SCYL2: variants seen among roughly 807,000 people sequenced by gnomAD.
SCYL2 encodes SCY1 like pseudokinase 2.
In SCYL2, 36 loss-of-function variants were observed where a neutral mutation model predicts 100.4. The observed-to-expected ratio is 0.36, with a 90% CI of 0.27 to 0.47. SCYL2 has a LOEUF of 0.47. SCYL2 is among the 20% of genes least tolerant of loss of function. SCYL2 has a pLI of 1.00. For synonymous variants in SCYL2, 330 were observed against 359.2 expected (o/e 0.92, Z 0.92); for missense variants, 902 against 1,083.9 (o/e 0.83, Z 2.36).
rs1259082893 is a variant in SCYL2, at chr12:100,335,675, C to T, written c.1913C>T (p.Thr638Ile). Residue 638 changes from threonine to isoleucine, a missense_variant, in exon 15 of 18, where the codon ACA becomes ATA. Transcript: ENST00000360820. The part of the protein sequence containing the change: ...QMNVSEEMKV[T>I]NIGNQQIDKV... ...AATGTTTCTGAGGAGATGAAAGTTA[C>T]AAATATTGGGAATCAGGTAAGAAGC... 3.1e-6 allele frequency: 5 copies of T among 1,610,852 alleles called. No homozygotes were observed. Among genetic ancestry groups the T allele is most frequent in the African/African-American group, 2.7e-5 (2 of 74,808 alleles).
intron 1 of SCYL2, among the ~76,000 whole-genome samples, chr12:100,272,167 A>T (rs1012868345): frequency 1.3e-5 from 2 of 152,222 alleles, no homozygotes; most frequent in Admixed American, 1.3e-4. Context: ...AGGGCAGATG[A>T]TTGAATTTCA....
intron 1 of SCYL2, among the ~76,000 whole-genome samples, chr12:100,280,615 G>A (rs1183365049): frequency 1.3e-5 from 2 of 152,122 alleles, no homozygotes; most frequent in Non-Finnish European, 2.9e-5. Context: ...AGTTAAGCCT[G>A]GCAATTACTA....
chr12:100,322,843 A>T (rs1016844980), intron 10 of SCYL2, among the ~76,000 whole-genome samples: 1 of 145,522 alleles, frequency 6.9e-6, no homozygotes, highest in East Asian at 2.0e-4. Context: ...CTGGGCAACA[A>T]GAGCAAAACT....
chr12:100,330,830 CT>C (rs71088179), intron 13 of SCYL2, among the ~76,000 whole-genome samples: 19,604 of 133,832 alleles, frequency 0.15, 1,729 homozygotes, highest in African/African-American at 0.33. Context: ...AATTTTTTTT[CT>C]TTTTTTTTTT....
At chr12:100,329,696 T>TAA (rs1952184690) in intron 13 of SCYL2, among the ~76,000 whole-genome samples, 1 of 152,214 alleles carries the variant, frequency 6.6e-6, no homozygotes, top group Non-Finnish European at 1.5e-5. Flanking sequence ...TCACAGCTTC[T>TAA]GTGGGTCAGG....
At chr12:100,267,887 T>G (rs954147321) in intron 1 of SCYL2, 95 bp downstream of exon 1, 1 of 152,300 alleles carries the variant, frequency 6.6e-6, no homozygotes, top group Non-Finnish European at 1.5e-5. Flanking sequence ...TGACAGTAGC[T>G]TTAGTTCTGG....
Position 100,328,660 on chromosome 12 carries a change from G to T in SCYL2, c.1643-541G>T, listed in dbSNP as rs12315011. On this transcript the variant is annotated intron_variant, in intron 12 of 17. Coordinates refer to ENST00000360820, the MANE Select transcript of SCYL2 (RefSeq NM_017988.6). ...CCAAATGAAGGCTTTGTGGATAGAT[G>T]TAACAAGTGGGGTCTTGAAGATTGA... Among the ~76,000 whole-genome samples, 634 of 152,308 alleles carry T rather than the reference G, an allele frequency of 4.2e-3. 8 individuals carry two copies. Among genetic ancestry groups the T allele is most frequent in the African/African-American group, 0.014 (599 of 41,570 alleles).
At chr12:100,334,309 A>G in intron 14 of SCYL2, 43 bp downstream of exon 14, 2 of 1,073,716 alleles carry the variant, frequency 1.9e-6, no homozygotes, top group South Asian at 1.3e-5. Context: ...CGGGAGTGAA[A>G]TTATAGTTGT....
chr12:100,274,867 T>G (rs987110660), intron 1 of SCYL2, among the ~76,000 whole-genome samples: 2 of 152,172 alleles, frequency 1.3e-5, no homozygotes, highest in African/African-American at 4.8e-5. Context: ...TTTTGACAAT[T>G]TAGTAAAGCC....
chr12:100,322,082 T>TA (rs903387696), intron 10 of SCYL2, among the ~76,000 whole-genome samples: 49 of 122,100 alleles, frequency 4.0e-4, no homozygotes, highest in African/African-American at 1.5e-3. Context: ...CCAAGAAAAC[T>TA]AAAAAAAGGG....
At position 100,294,116 on chromosome 12, in the gene SCYL2, C is replaced by T. The variant is rs1165702704; in HGVS notation, c.335+2456C>T. Among the ~76,000 whole-genome samples, 49 of 147,564 alleles carry T rather than the reference C, an allele frequency of 3.3e-4. No homozygotes were observed. The East Asian group carries it at 7.0e-3, about 21-fold the overall frequency. On this transcript the variant is annotated intron_variant, in intron 3 of 17. Coordinates refer to ENST00000360820, the MANE Select transcript of SCYL2 (RefSeq NM_017988.6). ...CCCAGTAGGGGCGGCCGGGCAGAGG[C>T]GCCCCTCACCTCCCGGACGGGGCGG...
rs1280421818 is a variant in SCYL2 at position 100,285,569 on chromosome 12, T to C, written c.177+2422T>C. ...TCCCTGCCAATCTTGTTATATAGTC[T>C]TTTTAATTTTAGACATTCTGGGTGG... On this transcript the variant is annotated intron_variant, in intron 2 of 17. Transcript: ENST00000360820. Among the ~76,000 whole-genome samples, 5 of 152,340 alleles carry C rather than the reference T, an allele frequency of 3.3e-5. No individual in the cohort carries two copies. In the East Asian group the frequency reaches 9.6e-4, roughly 29 times the overall value.
intron 1 of SCYL2, among the ~76,000 whole-genome samples, chr12:100,268,067 AT>A (rs1433741081): frequency 2.0e-5 from 3 of 152,140 alleles, no homozygotes; most frequent in Non-Finnish European, 2.9e-5. Context: ...CATACCTGTG[AT>A]CCGTAATTAA....
chr12:100,280,384 C>T (rs1566343448), intron 1 of SCYL2, among the ~76,000 whole-genome samples: 2 of 152,116 alleles, frequency 1.3e-5, no homozygotes, highest in Non-Finnish European at 1.5e-5. Flanking sequence ...GTATGGGGGC[C>T]TAATAATACC....
intron 3 of SCYL2, among the ~76,000 whole-genome samples, chr12:100,294,097 A>G (rs2096313980): frequency 6.8e-6 from 1 of 146,830 alleles, no homozygotes; most frequent in African/African-American, 2.5e-5. Flanking sequence ...ACTTCCCAGT[A>G]GGGGCGGCCG....
intron 3 of SCYL2, among the ~76,000 whole-genome samples, chr12:100,295,415 A>C (rs2096318411): frequency 6.6e-6 from 1 of 152,202 alleles, no homozygotes; most frequent in Admixed American, 6.5e-5. Flanking sequence ...ACCATTGAGC[A>C]CTGAGTGAAC....
chr12:100,280,753 A>G (rs2096297148), intron 1 of SCYL2, among the ~76,000 whole-genome samples: 1 of 152,142 alleles, frequency 6.6e-6, no homozygotes, highest in Non-Finnish European at 1.5e-5. Context: ...GGATTTTTGA[A>G]TTAGGATTGC....
chr12:100,274,210 T>G (rs931910189), intron 1 of SCYL2, among the ~76,000 whole-genome samples: 2 of 152,224 alleles, frequency 1.3e-5, no homozygotes, highest in African/African-American at 2.4e-5. Flanking sequence ...GGATACAAAC[T>G]ACCTGAGATC....
chr12:100,332,549 G>A (rs1225824880), intron 13 of SCYL2, among the ~76,000 whole-genome samples: 1 of 152,084 alleles, frequency 6.6e-6, no homozygotes, highest in Non-Finnish European at 1.5e-5. Flanking sequence ...CATAGAAGAG[G>A]ATCTGCTGAA....
Sources: allele counts gnomAD v4.1 joint callset (sites outside exome capture counted in the v4.1 genomes callset), GRCh38; gene constraint gnomAD v4.1.1; transcripts MANE v1.5; gene names NCBI Gene and HGNC (gene_info 2026-07-23, HGNC 2026-07-21).